The following SLC12A2 variants were observed in gnomAD, a reference collection of about 807,000 sequenced individuals.
The protein encoded by SLC12A2 is solute carrier family 12 member 2, also known as Na-K-2Cl cotransporter 1.
SLC12A2 carries 67 observed loss-of-function variants against 136.3 expected under a neutral mutation model. The ratio of observed to expected loss-of-function variants is 0.49; its 90% CI spans 0.40 to 0.60. The LOEUF (loss-of-function observed/expected upper bound fraction) is 0.60, where lower values mean the gene tolerates loss of function less well. Among genes scored for constraint, SLC12A2 ranks in the 20% least tolerant of loss-of-function variants. The probability of loss-of-function intolerance (pLI) is 0.00; values close to 1 mark genes in which losing one functional copy is unlikely to be tolerated. For synonymous variants in SLC12A2, 619 were observed against 562.9 expected, an observed-to-expected ratio of 1.10 and a Z score of -1.41; for missense variants, 1,322 against 1,534.7, an observed-to-expected ratio of 0.86 and a Z score of 2.32.
chr5:128,186,152 G>GT (rs1453982762), intron 26 of SLC12A2, among the ~76,000 whole-genome samples: 11 of 152,130 alleles, frequency 7.2e-5, no homozygotes, highest in Admixed American at 7.2e-4. Context: ...ATTCACTACA[G>GT]TAACGTACTA....
At chr5:128,099,107 G>A (rs563100516) in intron 1 of SLC12A2, among the ~76,000 whole-genome samples, 2 of 152,100 alleles carry the variant, frequency 1.3e-5, no homozygotes, top group African/African-American at 2.4e-5. Flanking sequence ...ACATACAGTC[G>A]TATGTTGCTT....
Position 128,183,078 on chromosome 5 carries a change from T to C in SLC12A2, c.3299+137T>C. 3 of 556,276 alleles carry C rather than the reference T, an allele frequency of 5.4e-6. No individual in the cohort carries two copies. The East Asian group carries it at 8.6e-5, about 16-fold the overall frequency. 34.5% of individuals were successfully genotyped at this position (556,276 alleles called of 1,614,324 possible). On this transcript the variant is annotated intron_variant, in intron 24 of 26. Coordinates refer to ENST00000262461, the MANE Select transcript of SLC12A2 (RefSeq NM_001046.3). ...AATATTTTAAAAAATCTAGCATTGA[T>C]AGTTGGCATGCATATATCAGATATT...
chr5:128,110,660 T>A (rs949765659), intron 1 of SLC12A2: 2 of 1,241,926 alleles, frequency 1.6e-6, no homozygotes, highest in Non-Finnish European at 2.4e-6. Flanking sequence ...AAGCCAAGAC[T>A]CCGTCTACTA....
At chr5:128,094,966 ATATAT>A (rs769299677) in intron 1 of SLC12A2, among the ~76,000 whole-genome samples, 8 of 152,190 alleles carry the variant, frequency 5.3e-5, no homozygotes, top group Admixed American at 1.3e-4. Flanking sequence ...TCACAGAAAG[ATATAT>A]TAGATAGTGC....
rs887821458 is a variant in SLC12A2, at chr5:128,137,910, ATAT to A, written c.1409-680_1409-678del. Among the ~76,000 whole-genome samples the A allele has an allele frequency of 6.1e-4, 93 of 151,584 alleles. 1 individual carries two copies. The highest frequency in any genetic ancestry group is 2.2e-3 in the African/African-American group (91 of 41,254). ...TGGAAGCTATCAAAAAGTTGATTCTATATTATTATGATGTTGCTTTTGTTTTCC... is the reference window on the plus strand; with the variant it reads ...TGGAAGCTATCAAAAAGTTGATTCTATATTATGATGTTGCTTTTGTTTTCC... On this transcript the variant is annotated intron_variant, in intron 7 of 26. Transcript: ENST00000262461.
At chr5:128,125,691 C>T (rs1051304533) in intron 4 of SLC12A2, among the ~76,000 whole-genome samples, 3 of 151,438 alleles carry the variant, frequency 2.0e-5, no homozygotes, top group African/African-American at 7.3e-5. Context: ...TTTTTTTATG[C>T]TAGTGCTTTG....
intron 17 of SLC12A2, among the ~76,000 whole-genome samples, chr5:128,166,622 A>G (rs1365686874): frequency 1.3e-5 from 2 of 152,114 alleles, no homozygotes; most frequent in Admixed American, 1.3e-4. Context: ...GCAGATTCAT[A>G]GAGACGGAAG....
chr5:128,088,868 A>G (rs1760201446), intron 1 of SLC12A2, among the ~76,000 whole-genome samples: 2 of 152,154 alleles, frequency 1.3e-5, no homozygotes, highest in Admixed American at 1.3e-4. Flanking sequence ...GAAATGAGCT[A>G]ATAGAAACAG....
intron 9 of SLC12A2, among the ~76,000 whole-genome samples, chr5:128,139,217 G>A (rs911545616): frequency 1.3e-5 from 2 of 151,498 alleles, no homozygotes; most frequent in African/African-American, 4.8e-5. Flanking sequence ...TGTATGTGTA[G>A]AAGCAAATGA....
intron 15 of SLC12A2, among the ~76,000 whole-genome samples, chr5:128,157,098 T>C (rs1166223303): frequency 6.6e-6 from 1 of 152,190 alleles, no homozygotes; most frequent in East Asian, 1.9e-4. Flanking sequence ...AAAGTCGTTA[T>C]TTAGGTTTTC....
Position 128,108,283 on chromosome 5 carries a change from G to A in SLC12A2, c.757-4531G>A, listed in dbSNP as rs144839233. Among the ~76,000 whole-genome samples the A allele has an allele frequency of 3.1e-3, 467 of 152,186 alleles. 4 individuals are homozygous for A. Among genetic ancestry groups the A allele is most frequent in the African/African-American group, 0.011 (450 of 41,524 alleles). On this transcript the variant is annotated intron_variant, in intron 1 of 26. Transcript: ENST00000262461. ...TAGTCACTTCAAGAATTATATTATGGTCCAGCAATTCCACTCATAGGTGTA... is the reference window on the plus strand; with the variant it reads ...TAGTCACTTCAAGAATTATATTATGATCCAGCAATTCCACTCATAGGTGTA...
intron 4 of SLC12A2, among the ~76,000 whole-genome samples, chr5:128,121,313 TTTTTTA>T (rs1761568914): frequency 6.6e-6 from 1 of 152,070 alleles, no homozygotes; most frequent in African/African-American, 2.4e-5. Flanking sequence ...GGGGTACTAT[TTTTTTA>T]TTTTTATTAC....
At position 128,112,943 on chromosome 5, in the gene SLC12A2, T is replaced by C. The variant is rs988224317; in HGVS notation, c.876+10T>C. ...GATCAAGGGTGTATTAGTATGTATATATAGACTTAATTTTATAGTTACAGC... is the reference window on the plus strand; with the variant it reads ...GATCAAGGGTGTATTAGTATGTATACATAGACTTAATTTTATAGTTACAGC... On this transcript the variant is annotated intron_variant, in intron 2 of 26. Transcript: ENST00000262461. 7.6e-6 allele frequency: 12 copies of C among 1,575,334 alleles called. No individual in the cohort carries two copies. The highest frequency in any genetic ancestry group is 1.0e-5 in the Non-Finnish European group (12 of 1,166,154).
chr5:128,163,867 C>T (rs953657274), intron 17 of SLC12A2, among the ~76,000 whole-genome samples: 3 of 152,034 alleles, frequency 2.0e-5, no homozygotes, highest in Admixed American at 1.3e-4. Context: ...TCTCATGTTT[C>T]TTAACGGCGC....
At chr5:128,186,412 C>A (rs1185698216) in intron 26 of SLC12A2, 84 bp from the exon 27 acceptor site, 2 of 1,309,602 alleles carry the variant, frequency 1.5e-6, no homozygotes, top group African/African-American at 3.0e-5. Flanking sequence ...TTATTGTAAT[C>A]TACTTTATAA....
At chr5:128,152,399 G>T (rs1327791618) in intron 14 of SLC12A2, among the ~76,000 whole-genome samples, 1 of 152,012 alleles carries the variant, frequency 6.6e-6, no homozygotes, top group East Asian at 1.9e-4. Context: ...TAGACCTTTG[G>T]CTATATACAA....
chr5:128,085,304 C>CT (rs547846935), intron 1 of SLC12A2, among the ~76,000 whole-genome samples: 85 of 149,608 alleles, frequency 5.7e-4, no homozygotes, highest in Admixed American at 1.2e-3. Flanking sequence ...TGGCATAACT[C>CT]TTTTTTTTTG....
At chr5:128,090,330 T>C (rs1434806311) in intron 1 of SLC12A2, among the ~76,000 whole-genome samples, 1 of 152,226 alleles carries the variant, frequency 6.6e-6, no homozygotes, top group African/African-American at 2.4e-5. Context: ...CATTTTAAAA[T>C]CCTGTGAGAC....
chr5:128,138,364 C>T lies in SLC12A2; in HGVS notation c.1409-233C>T, dbSNP rs192903020. ...TCAGAGGCTCTTGAAACATAATTAG[C>T]GAGGTATACAAAAAATGAGACATGA... On this transcript the variant is annotated intron_variant, in intron 7 of 26. Coordinates refer to ENST00000262461, the MANE Select transcript of SLC12A2 (RefSeq NM_001046.3). Among the ~76,000 whole-genome samples the T allele has an allele frequency of 8.5e-4, 130 of 152,128 alleles. 1 individual carries two copies. Among genetic ancestry groups the T allele is most frequent in the African/African-American group, 2.8e-3 (115 of 41,482 alleles).
Sources: gnomAD v4.1 joint callset for allele counts (sites outside exome capture counted in the v4.1 genomes callset) on GRCh38, gnomAD v4.1.1 for gene constraint, MANE v1.5 for transcripts, NCBI Gene and HGNC (gene_info 2026-07-23, HGNC 2026-07-21) for gene names.